The following KCNMA1 variants were observed in gnomAD, a reference collection of about 807,000 sequenced individuals.
The protein encoded by KCNMA1 is potassium calcium-activated channel subfamily M alpha 1.
Under a neutral mutation model 140.0 loss-of-function variants are expected in KCNMA1, and 29 were observed. The observed-to-expected ratio is 0.21, with a 90% CI of 0.15 to 0.28. The LOEUF (loss-of-function observed/expected upper bound fraction) is 0.28, where lower values mean the gene tolerates loss of function less well. Among genes scored for constraint, KCNMA1 ranks in the 10% least tolerant of loss-of-function variants. KCNMA1 has a pLI of 1.00. For missense variants in KCNMA1, 880 were observed against 1,602.2 expected (o/e 0.55, Z 7.70); for synonymous variants, 612 against 611.9 (o/e 1.00, Z 0.00).
intron 2 of KCNMA1, among the ~76,000 whole-genome samples, chr10:77,317,647 C>T (rs73286024): frequency 5.6e-4 from 86 of 152,288 alleles, no homozygotes; most frequent in African/African-American, 2.0e-3. Flanking sequence ...TTTTATTAGC[C>T]CCATAGCAGC....
At chr10:77,058,118 T>A (rs1198614476) in intron 14 of KCNMA1, among the ~76,000 whole-genome samples, 1 of 151,848 alleles carries the variant, frequency 6.6e-6, no homozygotes, top group African/African-American at 2.4e-5. Context: ...AAAGCTTGAG[T>A]GGCTATATTA....
At chr10:77,552,191 G>A (rs575643662) in intron 1 of KCNMA1, among the ~76,000 whole-genome samples, 3 of 152,286 alleles carry the variant, frequency 2.0e-5, no homozygotes, top group African/African-American at 7.2e-5. Flanking sequence ...CCCAGCATGA[G>A]GTGTGCTGGA....
chr10:77,516,308 C>T (rs1284297300), intron 1 of KCNMA1, among the ~76,000 whole-genome samples: 1 of 152,112 alleles, frequency 6.6e-6, no homozygotes, highest in East Asian at 1.9e-4. Context: ...CCAAACTCCC[C>T]TTAACAAAGA....
chr10:77,111,279 G>A (rs972134614), intron 7 of KCNMA1, among the ~76,000 whole-genome samples: 45 of 152,320 alleles, frequency 3.0e-4, no homozygotes, highest in Middle Eastern at 3.4e-3. Context: ...CCTGTAGACG[G>A]TGGCCCCCAG....
chr10:77,392,980 A>G (rs1362558855), intron 2 of KCNMA1, among the ~76,000 whole-genome samples: 2 of 152,172 alleles, frequency 1.3e-5, no homozygotes, highest in Non-Finnish European at 2.9e-5. Context: ...TGCGCCCACA[A>G]CGTACAGCTC....
At chr10:77,422,650 T>A (rs1460186556) in intron 1 of KCNMA1, among the ~76,000 whole-genome samples, 1 of 152,242 alleles carries the variant, frequency 6.6e-6, no homozygotes, top group African/African-American at 2.4e-5. Flanking sequence ...TTTGCAGATG[T>A]AATCAAGTTA....
chr10:77,607,364 A>G (rs1231397048), intron 1 of KCNMA1, among the ~76,000 whole-genome samples: 5 of 152,062 alleles, frequency 3.3e-5, no homozygotes, highest in African/African-American at 1.2e-4. Flanking sequence ...GCATTCATCT[A>G]TATGCTGAGG....
chr10:77,053,472 T>C (rs1594841764), intron 14 of KCNMA1, among the ~76,000 whole-genome samples: 1 of 152,032 alleles, frequency 6.6e-6, no homozygotes, highest in South Asian at 2.1e-4. Flanking sequence ...GCTGAAGGGG[T>C]TGGGAAAACC....
chr10:77,426,022 G>A (rs560445524), intron 1 of KCNMA1, among the ~76,000 whole-genome samples: 2 of 152,306 alleles, frequency 1.3e-5, no homozygotes, highest in African/African-American at 2.4e-5. Flanking sequence ...TGATTCAAGA[G>A]TACAGACTAC....
chr10:77,108,925 T>G lies in KCNMA1; in HGVS notation c.1132-353A>C, dbSNP rs2097256440. Among the ~76,000 whole-genome samples the G allele has an allele frequency of 6.6e-6, 1 of 152,160 alleles. No homozygotes were observed. The highest frequency in any genetic ancestry group is 2.4e-5 in the African/African-American group (1 of 41,432). On this transcript the variant is annotated intron_variant, in intron 8 of 27. Transcript: ENST00000286628. This position sits in a 1 kb window ranked among gnomAD's most constrained non-coding sequence, Gnocchi z 4.6. ...GAAACTAAACACACACAGACACATG[T>G]GTGCATGCACAGACACACACAGTTT...
intron 14 of KCNMA1, among the ~76,000 whole-genome samples, chr10:77,052,063 G>T (rs2095388400): frequency 6.6e-6 from 1 of 152,202 alleles, no homozygotes; most frequent in African/African-American, 2.4e-5. Context: ...AGACAAGATA[G>T]CTCTACTGCT....
rs115716635 is a variant in KCNMA1 at position 77,530,227 on chromosome 10, A to G, written c.378+107038T>C. 5.4e-3 allele frequency among the ~76,000 whole-genome samples: 826 copies of G among 152,316 alleles called. 5 individuals are homozygous for G. Among genetic ancestry groups the G allele is most frequent in the African/African-American group, 0.019 (803 of 41,560 alleles). On this transcript the variant is annotated intron_variant, in intron 1 of 27. Coordinates refer to ENST00000286628, the MANE Select transcript of KCNMA1 (RefSeq NM_001161352.2). ...GGTCCTGTTCCAAAAACTCACTTCA[A>G]ACAATGATGCTATTGACCAGGATAG...
intron 13 of KCNMA1, 85 bp downstream of exon 13, chr10:77,079,396 G>GTGTGTGTA: frequency 1.3e-6 from 1 of 777,484 alleles, no homozygotes; most frequent in South Asian, 1.4e-5. Flanking sequence ...GTGTGTGTGT[G>GTGTGTGTA]TGTGTGTGAG....
chr10:77,480,546 A>G (rs2098371433), intron 1 of KCNMA1, among the ~76,000 whole-genome samples: 1 of 152,230 alleles, frequency 6.6e-6, no homozygotes, highest in Non-Finnish European at 1.5e-5. Flanking sequence ...CATATCCTAG[A>G]GCAAGAAATA....
At chr10:77,089,873 G>A (rs2096775202) in intron 10 of KCNMA1, among the ~76,000 whole-genome samples, 1 of 152,176 alleles carries the variant, frequency 6.6e-6, no homozygotes, top group African/African-American at 2.4e-5. Flanking sequence ...TACTCTGTTT[G>A]TGGAGTAAAT....
intron 2 of KCNMA1, among the ~76,000 whole-genome samples, chr10:77,296,096 C>T (rs1045630405): frequency 6.6e-6 from 1 of 152,072 alleles, no homozygotes; most frequent in Non-Finnish European, 1.5e-5. Flanking sequence ...TGTGACCTTA[C>T]ATGGCAAAAG....
chr10:77,500,978 G>A (rs1191658810), intron 1 of KCNMA1, among the ~76,000 whole-genome samples: 3 of 152,158 alleles, frequency 2.0e-5, no homozygotes, highest in African/African-American at 4.8e-5. Context: ...CAGACCTATC[G>A]CAGACCTGAC....
At chr10:77,013,131 T>C (rs945460735) in intron 17 of KCNMA1, among the ~76,000 whole-genome samples, 3 of 152,204 alleles carry the variant, frequency 2.0e-5, no homozygotes, top group African/African-American at 7.2e-5. Flanking sequence ...TTCTTGACCA[T>C]TTGATTCTTA....
rs573054637 is a variant in KCNMA1 at position 77,584,466 on chromosome 10, T to C, written c.378+52799A>G. On this transcript the variant is annotated intron_variant, in intron 1 of 27. Transcript: ENST00000286628. ...GCCTCCCAGGTTCAAGCAATTCTCC[T>C]GCCTCAGCCTCCAGAGTAGCTGGGA... is the stretch of plus-strand genomic sequence containing the variant. Among the ~76,000 whole-genome samples the C allele has an allele frequency of 2.2e-3, 330 of 152,320 alleles. 1 individual carries two copies. The highest frequency in any genetic ancestry group is 7.4e-3 in the African/African-American group (308 of 41,570).
Sources: gnomAD v4.1 joint callset for allele counts (sites outside exome capture counted in the v4.1 genomes callset) on GRCh38, gnomAD v4.1.1 for gene constraint, Gnocchi (gnomAD v3.1) non-coding constraint, MANE v1.5 for transcripts, NCBI Gene and HGNC (gene_info 2026-07-23, HGNC 2026-07-21) for gene names.